PER2: variants seen among roughly 807,000 people sequenced by gnomAD.
PER2 encodes period circadian protein homolog 2.
Under a neutral mutation model 121.0 loss-of-function variants are expected in PER2, and 66 were observed. That is an observed-to-expected ratio of 0.55 (90% confidence interval 0.45 to 0.67). PER2 has a LOEUF of 0.67. PER2 is among the 30% of genes least tolerant of loss of function. The pLI is 0.00. For synonymous variants in PER2, 684 were observed against 659.9 expected (o/e 1.04, Z -0.56); for missense variants, 1,521 against 1,635.0 (o/e 0.93, Z 1.20).
intron 1 of PER2, among the ~76,000 whole-genome samples, chr2:238,282,286 G>C (rs1696652409): frequency 6.6e-6 from 1 of 152,126 alleles, no homozygotes. Flanking sequence ...CAGCCTGCAT[G>C]AACAGCACCG....
intron 3 of PER2, among the ~76,000 whole-genome samples, chr2:238,276,137 T>C (rs966383909): frequency 2.0e-4 from 30 of 146,826 alleles, no homozygotes; most frequent in African/African-American, 6.7e-4. Flanking sequence ...CTGGTCTGGG[T>C]GGCCCTTTGT....
chr2:238,268,983 G>A lies in PER2; in HGVS notation c.773-9C>T. 1 of 1,607,214 alleles carries A rather than the reference G, an allele frequency of 6.2e-7. No homozygotes were observed. Among genetic ancestry groups the A allele is most frequent in the Non-Finnish European group, 8.5e-7 (1 of 1,173,638 alleles). The stretch of plus-strand genomic sequence containing the variant: ...TTCTTGAGTAAAAGAATCTAAAAGA[G>A]AGAGCCCAAAGTCATTCATCCAAAC... On this transcript the variant is annotated splice_polypyrimidine_tract_variant and intron_variant, in intron 6 of 22. Transcript: ENST00000254657. The surrounding 1 kb of genome is among the most constrained non-coding windows in gnomAD (Gnocchi z 4.0).
At position 238,244,057 on chromosome 2, in the gene PER2, GCTTT is replaced by G. The variant is rs778580038; in HGVS notation, c.*2314_*2317del. The G allele has an allele frequency of 6.6e-6, 1 of 152,430 alleles. No individual in the cohort carries two copies. The highest frequency in any genetic ancestry group is 1.5e-5 in the Non-Finnish European group (1 of 68,016). 9.4% of individuals were successfully genotyped at this position (152,430 alleles called of 1,614,324 possible). A position where few individuals can be genotyped will look rare whatever the true frequency, so the allele number is the denominator to read the frequency against. On this transcript the variant is annotated 3_prime_UTR_variant, in exon 23 of 23. Transcript: ENST00000254657. The stretch of plus-strand genomic sequence containing the variant: ...TACAAGTAAAAATAAAAATATACTT[GCTTT>G]ATTTACCAATTTTCTAAAAGGCAAA...
chr2:238,269,679 G>A (rs1364347075), intron 6 of PER2, among the ~76,000 whole-genome samples: 2 of 151,878 alleles, frequency 1.3e-5, no homozygotes, highest in Non-Finnish European at 2.9e-5. Context: ...GTGCACTGCT[G>A]CAAACACACC....
chr2:238,253,156 G>C lies in PER2; in HGVS notation c.2867C>G (p.Pro956Arg). ...QPEFPSRTSI[P>R]RQPCACPATR... ...GGCTGGACAAGCACATGGCTGTCTG[G>C]GGATCGAGGTCCGGCTGGGGAACTC... The change falls in exon 19 of 23, where the codon CCC becomes CGC. Residue 956 changes from proline to arginine, a missense_variant. Pro to Arg is a moderately radical substitution (Grantham distance 103). Coordinates refer to ENST00000254657, the MANE Select transcript of PER2 (RefSeq NM_022817.3). The surrounding 1 kb of genome is among the most constrained non-coding windows in gnomAD (Gnocchi z 5.6). 1 of 1,597,786 alleles carries C rather than the reference G, an allele frequency of 6.3e-7. No homozygotes were observed. Among genetic ancestry groups the C allele is most frequent in the Non-Finnish European group, 8.6e-7 (1 of 1,168,638 alleles).
intron 4 of PER2, among the ~76,000 whole-genome samples, chr2:238,274,990 CT>C (rs1696407897): frequency 6.6e-6 from 1 of 152,176 alleles, no homozygotes. Context: ...TGATGAAAAA[CT>C]ACCCAAACAT....
chr2:238,261,086 GCTGA>G, intron 12 of PER2, 133 bp from the exon 13 acceptor site: 1 of 1,105,680 alleles, frequency 9.0e-7, no homozygotes, highest in Non-Finnish European at 1.3e-6. Context: ...GACCAGGGGA[GCTGA>G]GGTTTGAACC....
chr2:238,270,936 G>A (rs1239065379), intron 6 of PER2, among the ~76,000 whole-genome samples: 1 of 152,240 alleles, frequency 6.6e-6, no homozygotes, highest in African/African-American at 2.4e-5. Flanking sequence ...ACTGGTTGCA[G>A]CTGCTAAGGT....
At position 238,288,420 on chromosome 2, in the gene PER2, A is replaced by T. The variant is rs1323726740; in HGVS notation, c.-91T>A. On this transcript the variant is annotated 5_prime_UTR_variant, in exon 1 of 23. Coordinates refer to ENST00000254657, the MANE Select transcript of PER2 (RefSeq NM_022817.3). ...CCAACCCTCGGTGTCACCGCAGTTC[A>T]AACGAGCGCACCCTGCGCGCGGCTC... 1 of 152,344 alleles carries T rather than the reference A, an allele frequency of 6.6e-6. No individual in the cohort carries two copies. The highest frequency in any genetic ancestry group is 1.9e-4 in the East Asian group (1 of 5,194). 9.4% of individuals were successfully genotyped at this position (152,344 alleles called of 1,614,324 possible). A position where few individuals can be genotyped will look rare whatever the true frequency, so the allele number is the denominator to read the frequency against.
At chr2:238,278,990 T>C (rs1696546235) in intron 1 of PER2, among the ~76,000 whole-genome samples, 1 of 150,470 alleles carries the variant, frequency 6.6e-6, no homozygotes, top group South Asian at 2.1e-4. Context: ...GTGGGTGGAG[T>C]GGCTGAAATT....
At chr2:238,251,551 C>A (rs751094021) in intron 20 of PER2, 48 bp downstream of exon 20, 1 of 1,570,522 alleles carries the variant, frequency 6.4e-7, no homozygotes, top group African/African-American at 1.3e-5. Flanking sequence ...AGCAGTGCAT[C>A]CTGCAGGAAC....
At chr2:238,297,045 A>G in the PER2 span, among the ~76,000 whole-genome samples, 24 of 152,208 alleles carry the variant, frequency 1.6e-4, no homozygotes, top group African/African-American at 5.8e-4. Flanking sequence ...TCAAAGGAAG[A>G]GTCACAAATA....
At chr2:238,294,381 C>T (rs1286851258), upstream of PER2, among the ~76,000 whole-genome samples, 1 of 152,160 alleles carries the variant, frequency 6.6e-6, no homozygotes, top group African/African-American at 2.4e-5. Context: ...CTCTGGGGAC[C>T]AACAAGGCCT....
chr2:238,292,203 C>T (rs965224220), upstream of PER2, among the ~76,000 whole-genome samples: 1 of 152,208 alleles, frequency 6.6e-6, no homozygotes, highest in Non-Finnish European at 1.5e-5. Flanking sequence ...TGCTAGCTAC[C>T]TACTGAGAAG....
At position 238,268,282 on chromosome 2, in the gene PER2, T is replaced by C. The variant is rs1200691254; in HGVS notation, c.825-84A>G. The C allele has an allele frequency of 1.4e-6, 2 of 1,407,728 alleles. No individual in the cohort carries two copies. The highest frequency in any genetic ancestry group is 1.4e-5 in the African/African-American group (1 of 70,878). 87.2% of individuals were successfully genotyped at this position (1,407,728 alleles called of 1,614,324 possible). ...CTGTTCCCTCCTCACCTGGGCCCCA[T>C]GCCATGCTGCAGGTGATGTGTACCT... On this transcript the variant is annotated intron_variant, in intron 7 of 22. Transcript: ENST00000254657. This position sits in a 1 kb window ranked among gnomAD's most constrained non-coding sequence, Gnocchi z 4.0.
At chr2:238,254,601 G>A (rs564146489) in intron 18 of PER2, among the ~76,000 whole-genome samples, 1 of 152,204 alleles carries the variant, frequency 6.6e-6, no homozygotes, top group South Asian at 2.1e-4. Flanking sequence ...GGGCTCCTGG[G>A]ATGTCATGTC....
At chr2:238,266,183 G>A (rs10204644) in intron 8 of PER2, among the ~76,000 whole-genome samples, 53,944 of 152,038 alleles carry the variant, frequency 0.35, 12,548 homozygotes, top group African/African-American at 0.67. Flanking sequence ...GACTACAGGC[G>A]TGAGCCACTG....
Position 238,245,824 on chromosome 2 carries a change from C to T in PER2, c.*551G>A. The T allele has an allele frequency of 2.5e-6, 1 of 396,556 alleles. No homozygotes were observed. The allele number at this position is 396,556 out of a possible 1,614,324, so 24.6% of individuals were successfully genotyped here. On this transcript the variant is annotated 3_prime_UTR_variant, in exon 23 of 23. Transcript: ENST00000254657. ...AAAGCTGTTGGTTTGCCAAACAACG[C>T]TTCACACCATTTAATGTGAAACGTT...
intron 1 of PER2, among the ~76,000 whole-genome samples, chr2:238,285,214 C>T (rs1007801235): frequency 6.6e-6 from 1 of 152,184 alleles, no homozygotes; most frequent in African/African-American, 2.4e-5. Context: ...AGGTTAAGCT[C>T]GGACCCCTGA....
Sources: gnomAD v4.1 joint callset for allele counts (sites outside exome capture counted in the v4.1 genomes callset) on GRCh38, gnomAD v4.1.1 for gene constraint, Gnocchi (gnomAD v3.1) non-coding constraint, MANE v1.5 for transcripts, NCBI Gene and HGNC (gene_info 2026-07-23, HGNC 2026-07-21) for gene names.